Variants in MOB3B observed in about 807,000 individuals in gnomAD.
MOB3B encodes the protein MOB kinase activator 3B, also known as MOB kinase activator-like 2B.
In MOB3B, 7 loss-of-function variants were observed where a neutral mutation model predicts 18.7. The observed-to-expected ratio is 0.37, with a 90% CI of 0.21 to 0.70. The LOEUF (loss-of-function observed/expected upper bound fraction) is 0.70, where lower values mean the gene tolerates loss of function less well. MOB3B is among the 30% of genes least tolerant of loss of function. The pLI is 0.52. For synonymous variants in MOB3B, 111 were observed against 99.9 expected (o/e 1.11, Z -0.66); for missense variants, 253 against 281.3 (o/e 0.90, Z 0.72).
chr9:27,339,274 T>C (rs1820907417), intron 3 of MOB3B, among the ~76,000 whole-genome samples: 1 of 152,310 alleles, frequency 6.6e-6, no homozygotes, highest in Non-Finnish European at 1.5e-5. Flanking sequence ...AGGAACTATT[T>C]TTTTGTAACG....
intron 2 of MOB3B, among the ~76,000 whole-genome samples, chr9:27,401,914 C>G (rs951182539): frequency 3.9e-5 from 6 of 152,136 alleles, no homozygotes; most frequent in African/African-American, 1.4e-4. Context: ...GGGTATTATG[C>G]TCTACTAGTT....
At chr9:27,489,130 G>C (rs1441227851) in intron 1 of MOB3B, among the ~76,000 whole-genome samples, 1 of 152,216 alleles carries the variant, frequency 6.6e-6, no homozygotes, top group Non-Finnish European at 1.5e-5. Context: ...TTTCGCTGGT[G>C]CTTCATACTC....
chr9:27,402,835 T>C (rs924977130), intron 2 of MOB3B, among the ~76,000 whole-genome samples: 4 of 152,360 alleles, frequency 2.6e-5, no homozygotes, highest in South Asian at 2.1e-4. Flanking sequence ...GGTTGTAATG[T>C]GTAGCTTCCA....
At chr9:27,418,935 TA>T (rs145696934) in intron 2 of MOB3B, among the ~76,000 whole-genome samples, 53,739 of 150,622 alleles carry the variant, frequency 0.36, 9,733 homozygotes, top group Non-Finnish European at 0.38. Flanking sequence ...CTAGAACTGA[TA>T]AAAAAAAATT....
Position 27,455,866 on chromosome 9 carries a change from A to G in MOB3B, c.-198-118T>C, listed in dbSNP as rs1440603996. 3.9e-6 allele frequency: 4 copies of G among 1,038,490 alleles called. No homozygotes were observed. In the African/African-American group the frequency reaches 6.5e-5, roughly 17 times the overall value. 64.3% of individuals were successfully genotyped at this position (1,038,490 alleles called of 1,614,324 possible). A position where few individuals can be genotyped will look rare whatever the true frequency, so the allele number is the denominator to read the frequency against. On this transcript the variant is annotated intron_variant, in intron 1 of 3. Coordinates refer to ENST00000262244, the MANE Select transcript of MOB3B (RefSeq NM_024761.5). The stretch of plus-strand genomic sequence containing the variant: ...CTGTGCCCACTCTCCATCCAGGTAT[A>G]TGGGCATGGGGGTTAAGCCACTGCC...
chr9:27,412,762 A>G (rs1822089758), intron 2 of MOB3B, among the ~76,000 whole-genome samples: 1 of 152,256 alleles, frequency 6.6e-6, no homozygotes, highest in Non-Finnish European at 1.5e-5. Flanking sequence ...TTGAACAGAA[A>G]CAGTGACCGT....
Position 27,529,670 on chromosome 9 carries a change from C to A in MOB3B, c.-314G>T. 1.0e-6 allele frequency: 1 copy of A among 985,426 alleles called. No homozygotes were observed. The highest frequency in any genetic ancestry group is 1.2e-6 in the Non-Finnish European group (1 of 829,924). 61.0% of individuals were successfully genotyped at this position (985,426 alleles called of 1,614,324 possible). ...AGGTGGGGCGTCGCTTGCCAATCCA[C>A]GCAAGGGACTCTGCCGCCGGTGCGC... On this transcript the variant is annotated 5_prime_UTR_variant, in exon 1 of 4. Coordinates refer to ENST00000262244, the MANE Select transcript of MOB3B (RefSeq NM_024761.5).
intron 2 of MOB3B, among the ~76,000 whole-genome samples, chr9:27,426,327 G>C (rs1171279925): frequency 1.3e-5 from 2 of 152,190 alleles, no homozygotes; most frequent in Non-Finnish European, 2.9e-5. Context: ...GGGGTTATAC[G>C]TTTTGTTTTG....
At chr9:27,478,532 T>C (rs1819596040) in intron 1 of MOB3B, among the ~76,000 whole-genome samples, 1 of 151,908 alleles carries the variant, frequency 6.6e-6, no homozygotes, top group African/African-American at 2.4e-5. Flanking sequence ...GCATATTAGA[T>C]ACAGCTGAAA....
chr9:27,333,328 G>A (rs1314119063), intron 3 of MOB3B, among the ~76,000 whole-genome samples: 2 of 151,242 alleles, frequency 1.3e-5, no homozygotes, highest in African/African-American at 2.4e-5. Flanking sequence ...TCTAGCACTT[G>A]CCCACTGGGT....
chr9:27,326,725 C>T lies in MOB3B; in HGVS notation c.*3862G>A, dbSNP rs1184821097. On this transcript the variant is annotated 3_prime_UTR_variant, in exon 4 of 4. Coordinates refer to ENST00000262244, the MANE Select transcript of MOB3B (RefSeq NM_024761.5). ...GAGAAAATACCCAGGGAAGAGAAAACGAACAATTTAAGAAGCAGGAAATGA... is the reference window on the plus strand; with the variant it reads ...GAGAAAATACCCAGGGAAGAGAAAATGAACAATTTAAGAAGCAGGAAATGA... The T allele has an allele frequency of 2.8e-5, 11 of 396,862 alleles. No homozygotes were observed. The highest frequency in any genetic ancestry group is 1.9e-4 in the African/African-American group (9 of 48,572). 24.6% of individuals were successfully genotyped at this position (396,862 alleles called of 1,614,324 possible).
chr9:27,343,586 G>C (rs1283338783), intron 3 of MOB3B, among the ~76,000 whole-genome samples: 2 of 150,558 alleles, frequency 1.3e-5, no homozygotes, highest in African/African-American at 4.9e-5. Context: ...AATGATCCAT[G>C]AAAACAATAT....
chr9:27,340,167 G>GAC lies in MOB3B; in HGVS notation c.622-9553_622-9552dup, dbSNP rs1481539410. On this transcript the variant is annotated intron_variant, in intron 3 of 3. Coordinates refer to ENST00000262244, the MANE Select transcript of MOB3B (RefSeq NM_024761.5). Reference sequence around the variant, plus strand: ...TTCCTAAACAACAGCCCACATTACTGACACGGAGGGCGTTTCCACGATGGA... The same window carrying GAC: ...TTCCTAAACAACAGCCCACATTACTGACACACGGAGGGCGTTTCCACGATGGA... Among the ~76,000 whole-genome samples, 3 of 152,274 alleles carry GAC rather than the reference G, an allele frequency of 2.0e-5. No homozygotes were observed. In the East Asian group the frequency reaches 5.8e-4, roughly 29 times the overall value.
chr9:27,390,498 G>A (rs933838997), intron 2 of MOB3B, among the ~76,000 whole-genome samples: 4 of 152,148 alleles, frequency 2.6e-5, no homozygotes, highest in East Asian at 1.9e-4. Context: ...CACCGTGCCC[G>A]GCCAAGTTGC....
chr9:27,505,813 T>C (rs549679121), intron 1 of MOB3B, among the ~76,000 whole-genome samples: 1 of 152,242 alleles, frequency 6.6e-6, no homozygotes, highest in African/African-American at 2.4e-5. Flanking sequence ...AAGTGACACA[T>C]TCTTCAGGTG....
chr9:27,420,289 G>A (rs1446422698), intron 2 of MOB3B, among the ~76,000 whole-genome samples: 3 of 151,850 alleles, frequency 2.0e-5, no homozygotes, highest in Non-Finnish European at 4.4e-5. Context: ...ATTTGATCCA[G>A]CAATCTCACT....
rs185925084 is a variant in MOB3B, at chr9:27,426,531, T to C, written c.418+28602A>G. On this transcript the variant is annotated intron_variant, in intron 2 of 3. Transcript: ENST00000262244. ...GTGAATCTTTTGTTTGGGCACACAA[T>C]GCTACCCCTGCAGGGATTTCTGAAG... 4.6e-5 allele frequency among the ~76,000 whole-genome samples: 7 copies of C among 152,294 alleles called. No homozygotes were observed. In the East Asian group the frequency reaches 1.4e-3, roughly 29 times the overall value.
chr9:27,365,169 A>T (rs1338259865), intron 2 of MOB3B, among the ~76,000 whole-genome samples: 1 of 151,012 alleles, frequency 6.6e-6, no homozygotes, highest in Admixed American at 6.6e-5. Context: ...AGGCAAAAAA[A>T]AAAAAAGAAA....
At chr9:27,334,849 G>T (rs1820841096) in intron 3 of MOB3B, among the ~76,000 whole-genome samples, 1 of 152,038 alleles carries the variant, frequency 6.6e-6, no homozygotes, top group Admixed American at 6.5e-5. Flanking sequence ...TTGAGATGGA[G>T]TCTCGCTTTG....
Sources: gnomAD v4.1 joint callset for allele counts (sites outside exome capture counted in the v4.1 genomes callset) on GRCh38, gnomAD v4.1.1 for gene constraint, MANE v1.5 for transcripts, NCBI Gene and HGNC (gene_info 2026-07-23, HGNC 2026-07-21) for gene names.